Variants in PCDH9 observed in about 807,000 individuals in gnomAD.
PCDH9 encodes the protein protocadherin-9.
In PCDH9, 24 loss-of-function variants were observed where a neutral mutation model predicts 70.6. That is an observed-to-expected ratio of 0.34 (90% confidence interval 0.25 to 0.48). The LOEUF is 0.48. Among genes scored for constraint, PCDH9 ranks in the 20% least tolerant of loss-of-function variants. The pLI, the probability that PCDH9 is intolerant of heterozygous loss-of-function variation, is 0.99. For missense variants in PCDH9, 1,281 were observed against 1,503.6 expected (o/e 0.85, Z 2.45); for synonymous variants, 562 against 558.5 (o/e 1.01, Z -0.09).
chr13:66,584,665 T>C (rs1284768997), intron 4 of PCDH9, among the ~76,000 whole-genome samples: 1 of 152,176 alleles, frequency 6.6e-6, no homozygotes, highest in Non-Finnish European at 1.5e-5. Context: ...ACAGTAGTCT[T>C]CATCATATTA....
chr13:66,426,185 T>C lies in PCDH9; in HGVS notation c.3341-121157A>G, dbSNP rs917978273. On this transcript the variant is annotated intron_variant, in intron 4 of 4. Coordinates refer to ENST00000377865, the MANE Select transcript of PCDH9 (RefSeq NM_203487.3). ...ATCTATTCAGTGGGTGGCAGAAGAATTACTTTTTCTCTCTATTGAACTCAT... is the reference window on the plus strand; with the variant it reads ...ATCTATTCAGTGGGTGGCAGAAGAACTACTTTTTCTCTCTATTGAACTCAT... 7.3e-5 allele frequency among the ~76,000 whole-genome samples: 11 copies of C among 151,384 alleles called. 1 individual carries two copies. Among genetic ancestry groups the C allele is most frequent in the Admixed American group, 6.6e-4 (10 of 15,146 alleles).
At chr13:67,151,878 A>G (rs1290278686) in intron 2 of PCDH9, among the ~76,000 whole-genome samples, 2 of 152,040 alleles carry the variant, frequency 1.3e-5, no homozygotes, top group African/African-American at 2.4e-5. Context: ...TAAGGCACCA[A>G]AGCTCAAATG....
intron 3 of PCDH9, among the ~76,000 whole-genome samples, chr13:66,704,994 T>G (rs569774801): frequency 6.6e-6 from 1 of 152,250 alleles, no homozygotes; most frequent in Admixed American, 6.5e-5. Flanking sequence ...AAAGTTACAT[T>G]TGCAAATTTT....
chr13:66,851,575 TCACACACACACA>T lies in PCDH9; in HGVS notation c.3138+51917_3138+51928del, dbSNP rs59674873. Among the ~76,000 whole-genome samples, 9 of 146,736 alleles carry T rather than the reference TCACACACACACA, an allele frequency of 6.1e-5. 1 individual carries two copies. The highest frequency in any genetic ancestry group is 2.0e-4 in the African/African-American group (8 of 39,950). On this transcript the variant is annotated intron_variant, in intron 3 of 4. Transcript: ENST00000377865. ...TATGTAACACCCACCCGCATCACCC[TCACACACACACA>T]CACACACACACACACACACACTCAT...
intron 3 of PCDH9, among the ~76,000 whole-genome samples, chr13:66,634,685 A>G (rs1201865841): frequency 1.3e-5 from 2 of 152,202 alleles, no homozygotes; most frequent in African/African-American, 2.4e-5. Flanking sequence ...CATTGGAGAT[A>G]GTCAATAAAA....
At chr13:67,205,177 T>C (rs1047278702) in intron 2 of PCDH9, 1 of 152,164 alleles carries the variant, frequency 6.6e-6, no homozygotes, top group Non-Finnish European at 1.5e-5. Flanking sequence ...GCGTTTCCAA[T>C]ATATTATCTT....
intron 2 of PCDH9, among the ~76,000 whole-genome samples, chr13:67,199,028 CAT>C (rs1167058316): frequency 6.6e-6 from 1 of 151,514 alleles, no homozygotes; most frequent in Non-Finnish European, 1.5e-5. Context: ...ATCACATTAA[CAT>C]GTCTTAAAAT....
chr13:67,014,111 C>G (rs745952098), intron 2 of PCDH9, among the ~76,000 whole-genome samples: 12 of 152,010 alleles, frequency 7.9e-5, no homozygotes, highest in Non-Finnish European at 1.5e-4. Flanking sequence ...TTCAATAAAT[C>G]TAGGCAATTT....
chr13:66,779,341 ACTGAGAGATG>A (rs2079951529), intron 3 of PCDH9, among the ~76,000 whole-genome samples: 1 of 152,218 alleles, frequency 6.6e-6, no homozygotes. Context: ...CTAAGTGTCC[ACTGAGAGATG>A]AATACATAAA....
At position 66,788,173 on chromosome 13, in the gene PCDH9, G is replaced by T. The variant is rs76626738; in HGVS notation, c.3138+115331C>A. Among the ~76,000 whole-genome samples, 1,060 of 152,130 alleles carry T rather than the reference G, an allele frequency of 7.0e-3. 16 individuals are homozygous for T. The highest frequency in any genetic ancestry group is 0.024 in the African/African-American group (1,009 of 41,494). Reference sequence around the variant, plus strand: ...GATCAAGCCACCAGCATCTGATGAGGGCCTTCTTGTTACATCCTCACATGG... The same window carrying T: ...GATCAAGCCACCAGCATCTGATGAGTGCCTTCTTGTTACATCCTCACATGG... On this transcript the variant is annotated intron_variant, in intron 3 of 4. Coordinates refer to ENST00000377865, the MANE Select transcript of PCDH9 (RefSeq NM_203487.3).
intron 3 of PCDH9, among the ~76,000 whole-genome samples, chr13:66,758,362 T>C (rs942861403): frequency 6.6e-6 from 1 of 152,046 alleles, no homozygotes; most frequent in African/African-American, 2.4e-5. Flanking sequence ...CCCCTAACCA[T>C]CACAGCCTTT....
At chr13:66,762,023 T>A (rs1393227921) in intron 3 of PCDH9, among the ~76,000 whole-genome samples, 1 of 152,028 alleles carries the variant, frequency 6.6e-6, no homozygotes, top group African/African-American at 2.4e-5. Flanking sequence ...TGTCTGAAAA[T>A]GCCTTTCAAC....
intron 2 of PCDH9, among the ~76,000 whole-genome samples, chr13:67,147,000 A>G (rs2087538093): frequency 6.6e-6 from 1 of 152,088 alleles, no homozygotes; most frequent in Non-Finnish European, 1.5e-5. Context: ...ATTTTGTTAT[A>G]TAGGTGCCCA....
intron 2 of PCDH9, among the ~76,000 whole-genome samples, chr13:67,096,760 G>A (rs142919094): frequency 1.1e-4 from 16 of 152,162 alleles, no homozygotes; most frequent in Non-Finnish European, 1.3e-4. Context: ...AAACTCTGGT[G>A]GAGGATGGTG....
chr13:66,342,209 C>T (rs996412338), intron 4 of PCDH9, among the ~76,000 whole-genome samples: 3 of 152,158 alleles, frequency 2.0e-5, no homozygotes, highest in Non-Finnish European at 4.4e-5. Flanking sequence ...TGAGTCATCA[C>T]TTAAGAACAT....
chr13:67,033,406 T>C (rs531932666), intron 2 of PCDH9, among the ~76,000 whole-genome samples: 2 of 152,308 alleles, frequency 1.3e-5, no homozygotes, highest in East Asian at 3.9e-4. Flanking sequence ...GTGTCATAGA[T>C]AAGGTACAAA....
intron 3 of PCDH9, among the ~76,000 whole-genome samples, chr13:66,749,953 T>C (rs1196608811): frequency 1.3e-5 from 2 of 152,132 alleles, no homozygotes; most frequent in African/African-American, 2.4e-5. Flanking sequence ...AATTTTGATC[T>C]GTCCATTTAA....
intron 3 of PCDH9, among the ~76,000 whole-genome samples, chr13:66,857,586 C>T (rs1427596153): frequency 6.6e-6 from 1 of 152,052 alleles, no homozygotes; most frequent in African/African-American, 2.4e-5. Context: ...TTCATATTGA[C>T]CTATTGATAC....
Position 66,625,148 on chromosome 13 carries a change from T to C in PCDH9, c.3340+6062A>G, listed in dbSNP as rs186725144. Reference sequence around the variant, plus strand: ...GATCACTATCAATGATAACTTTCTTTTAACAAAATACAATTCTATTATTAT... The same window carrying C: ...GATCACTATCAATGATAACTTTCTTCTAACAAAATACAATTCTATTATTAT... On this transcript the variant is annotated intron_variant, in intron 4 of 4. Transcript: ENST00000377865. Among the ~76,000 whole-genome samples the C allele has an allele frequency of 1.8e-3, 276 of 152,268 alleles. 1 individual carries two copies. Among genetic ancestry groups the C allele is most frequent in the Non-Finnish European group, 2.3e-3 (156 of 68,010 alleles).
Sources: gnomAD v4.1 joint callset for allele counts (sites outside exome capture counted in the v4.1 genomes callset) on GRCh38, gnomAD v4.1.1 for gene constraint, MANE v1.5 for transcripts, NCBI Gene and HGNC (gene_info 2026-07-23, HGNC 2026-07-21) for gene names.